Variants in SEMA3A observed in about 807,000 individuals in gnomAD.
SEMA3A encodes semaphorin 3A.
In SEMA3A, 29 loss-of-function variants were observed where a neutral mutation model predicts 97.9. The ratio of observed to expected loss-of-function variants is 0.30; its 90% confidence interval spans 0.22 to 0.40. The LOEUF is 0.40. Among genes scored for constraint, SEMA3A ranks in the 10% least tolerant of loss-of-function variants. The pLI, the probability that SEMA3A is intolerant of heterozygous loss-of-function variation, is 1.00. For missense variants in SEMA3A, 763 were observed against 951.3 expected (o/e 0.80, Z 2.60); for synonymous variants, 321 against 323.7 (o/e 0.99, Z 0.09).
At chr7:84,464,147 A>T (rs144352018) in intron 1 of SEMA3A, among the ~76,000 whole-genome samples, 1 of 152,342 alleles carries the variant, frequency 6.6e-6, no homozygotes, top group East Asian at 1.9e-4. Context: ...AACAGAAATT[A>T]ACACAAATAA....
chr7:84,134,317 G>T (rs1030688080), intron 2 of SEMA3A, among the ~76,000 whole-genome samples: 3 of 152,134 alleles, frequency 2.0e-5, no homozygotes, highest in African/African-American at 7.2e-5. Context: ...AACAGACATA[G>T]GCAATATGTC....
At chr7:84,268,166 T>A (rs939927491) in intron 3 of SEMA3A, among the ~76,000 whole-genome samples, 5 of 151,980 alleles carry the variant, frequency 3.3e-5, no homozygotes, top group Admixed American at 2.0e-4. Context: ...TGGTACCTTT[T>A]CCTTACGGCC....
chr7:84,398,596 AT>A (rs894730358), intron 1 of SEMA3A, among the ~76,000 whole-genome samples: 8 of 151,000 alleles, frequency 5.3e-5, no homozygotes, highest in Non-Finnish European at 8.8e-5. Context: ...TGTCTCTACA[AT>A]TTTTTTTCTT....
chr7:84,398,758 T>A (rs918403465), intron 1 of SEMA3A, among the ~76,000 whole-genome samples: 1 of 151,954 alleles, frequency 6.6e-6, no homozygotes, highest in Non-Finnish European at 1.5e-5. Flanking sequence ...CAAAGAGGTA[T>A]GATTGTGCCA....
chr7:84,047,598 C>T (rs945922492), intron 5 of SEMA3A, among the ~76,000 whole-genome samples: 5 of 151,954 alleles, frequency 3.3e-5, no homozygotes, highest in Non-Finnish European at 7.4e-5. Flanking sequence ...TTCCAGAAAA[C>T]ATGTAATTGC....
At chr7:84,275,758 T>C (rs1376519641) in intron 3 of SEMA3A, among the ~76,000 whole-genome samples, 1 of 152,056 alleles carries the variant, frequency 6.6e-6, no homozygotes, top group East Asian at 1.9e-4. Flanking sequence ...TGAGAATTAC[T>C]GTAAATGTAA....
At chr7:84,043,894 A>G (rs1351890763) in intron 6 of SEMA3A, among the ~76,000 whole-genome samples, 1 of 152,042 alleles carries the variant, frequency 6.6e-6, no homozygotes, top group African/African-American at 2.4e-5. Flanking sequence ...CACAGTGTAA[A>G]TTCTTCAGAC....
intron 1 of SEMA3A, among the ~76,000 whole-genome samples, chr7:84,178,909 C>T (rs1381716853): frequency 2.6e-5 from 4 of 152,116 alleles, no homozygotes; most frequent in Non-Finnish European, 5.9e-5. Context: ...GCTTTTCATT[C>T]ATTCTACTTC....
chr7:84,123,279 A>C lies in SEMA3A; in HGVS notation c.333+5844T>G, dbSNP rs371836239. 1.2e-4 allele frequency among the ~76,000 whole-genome samples: 19 copies of C among 152,268 alleles called. No individual in the cohort carries two copies. In the East Asian group the frequency reaches 2.1e-3, roughly 17 times the overall value. On this transcript the variant is annotated intron_variant, in intron 3 of 16. Coordinates refer to ENST00000265362, the MANE Select transcript of SEMA3A (RefSeq NM_006080.3). Reference sequence around the variant, plus strand: ...CTAGAAAAATACCGAAAATGGGAGTAACGGTGAATAACAGCAGCCAGAATA... The same window carrying C: ...CTAGAAAAATACCGAAAATGGGAGTCACGGTGAATAACAGCAGCCAGAATA...
At chr7:84,443,960 C>T (rs1805339507) in intron 1 of SEMA3A, among the ~76,000 whole-genome samples, 1 of 144,940 alleles carries the variant, frequency 6.9e-6, no homozygotes, top group South Asian at 2.2e-4. Flanking sequence ...GATCTTGGCT[C>T]CCTTCAACCT....
At chr7:84,455,220 T>C (rs1805659903) in intron 1 of SEMA3A, among the ~76,000 whole-genome samples, 2 of 151,922 alleles carry the variant, frequency 1.3e-5, no homozygotes, top group Non-Finnish European at 3.0e-5. Context: ...TGGGGAGGAA[T>C]AGCTCTTTCT....
intron 1 of SEMA3A, among the ~76,000 whole-genome samples, chr7:84,481,302 T>A (rs1806439292): frequency 6.6e-6 from 1 of 152,172 alleles, no homozygotes; most frequent in East Asian, 1.9e-4. Context: ...TGGCTTCTGC[T>A]GCAAAGGGTG....
chr7:84,043,828 G>A (rs753284248), intron 6 of SEMA3A, among the ~76,000 whole-genome samples: 7 of 151,990 alleles, frequency 4.6e-5, no homozygotes, highest in Non-Finnish European at 7.4e-5. Flanking sequence ...ATTCTCAAAT[G>A]AACTACACAT....
At chr7:84,232,375 A>T (rs1007507583) in intron 3 of SEMA3A, among the ~76,000 whole-genome samples, 12 of 150,866 alleles carry the variant, frequency 8.0e-5, no homozygotes, top group Non-Finnish European at 1.8e-4. Flanking sequence ...TGACAGGCTC[A>T]TGACTAGAAT....
intron 1 of SEMA3A, among the ~76,000 whole-genome samples, chr7:84,380,573 G>A (rs1473070749): frequency 2.6e-5 from 4 of 152,110 alleles, no homozygotes; most frequent in Non-Finnish European, 5.9e-5. Flanking sequence ...AGTGAATGGA[G>A]TTAGCATAGG....
intron 1 of SEMA3A, among the ~76,000 whole-genome samples, chr7:84,433,232 C>T (rs2116323497): frequency 6.6e-6 from 1 of 151,294 alleles, no homozygotes; most frequent in South Asian, 2.1e-4. Flanking sequence ...CCCTAGCCTC[C>T]CACCCCCCGA....
chr7:84,190,788 A>G (rs1210882432), intron 1 of SEMA3A, among the ~76,000 whole-genome samples: 1 of 149,574 alleles, frequency 6.7e-6, no homozygotes, highest in African/African-American at 2.4e-5. Context: ...TAAACCAACA[A>G]TTTACGAAGA....
chr7:84,452,664 T>C (rs376916520), intron 1 of SEMA3A, among the ~76,000 whole-genome samples: 1 of 152,226 alleles, frequency 6.6e-6, no homozygotes, highest in African/African-American at 2.4e-5. Context: ...AATATGTAGT[T>C]AGACACTCAC....
At chr7:84,162,810 A>C (rs559734016) in intron 1 of SEMA3A, among the ~76,000 whole-genome samples, 4 of 152,212 alleles carry the variant, frequency 2.6e-5, no homozygotes, top group African/African-American at 9.6e-5. Context: ...TCCACCCAGT[A>C]CTACTAGGCC....
Sources: gnomAD v4.1 joint callset for allele counts (sites outside exome capture counted in the v4.1 genomes callset) on GRCh38, gnomAD v4.1.1 for gene constraint, MANE v1.5 for transcripts, NCBI Gene and HGNC (gene_info 2026-07-23, HGNC 2026-07-21) for gene names.